Variants in STK36 observed in about 807,000 individuals in gnomAD.
The protein encoded by STK36 is serine/threonine kinase 36.
A neutral mutation model predicts 142.2 loss-of-function variants in STK36; 116 were observed. That is an observed-to-expected ratio of 0.82 (90% confidence interval 0.70 to 0.95). STK36 has a LOEUF of 0.95. Among genes scored for constraint, STK36 ranks in the 40% least tolerant of loss-of-function variants. STK36 has a pLI of 0.00. For missense variants in STK36, 1,422 were observed against 1,617.2 expected (o/e 0.88, Z 2.07); for synonymous variants, 619 against 641.7 (o/e 0.96, Z 0.53).
At chr2:218,675,744 G>A (rs984809611) in intron 5 of STK36, among the ~76,000 whole-genome samples, 3 of 151,658 alleles carry the variant, frequency 2.0e-5, no homozygotes, top group Admixed American at 6.6e-5. Flanking sequence ...GGCTGGTCTC[G>A]AACTCCTGAC....
Position 218,679,577 on chromosome 2 carries a change from G to T in STK36, c.796G>T (p.Gly266Cys), listed in dbSNP as rs767225411. 4 of 1,613,872 alleles carry T rather than the reference G, an allele frequency of 2.5e-6. No individual in the cohort carries two copies. Among genetic ancestry groups the T allele is most frequent in the South Asian group, 2.2e-5 (2 of 91,054 alleles). Residue 266 changes from glycine (G) to cysteine (C), a missense_variant, in exon 8 of 27, where the codon GGC (glycine) becomes TGC (cysteine). Gly to Cys is a radical substitution (Grantham distance 159). Transcript: ENST00000295709. Reference protein sequence around the residue: ...GHVTIITEPAGPDLGTPFTSR... With the variant: ...GHVTIITEPACPDLGTPFTSR... ...CCCTGCAGTAATAACTGAGCCAGCA[G>T]GCCCAGATTTGGGGACCCCATTCAC...
Position 218,693,772 on chromosome 2 carries a change from G to C in STK36, c.2198G>C (p.Gly733Ala), listed in dbSNP as rs751891908. The C allele has an allele frequency of 6.2e-7, 1 of 1,614,084 alleles. No homozygotes were observed. Among genetic ancestry groups the C allele is most frequent in the Non-Finnish European group, 8.5e-7 (1 of 1,180,044 alleles). ...LVSEGLCRLL[G>A]QEPLALESLF... ...AGTGAGGGCCTGTGCCGTCTTCTGG[G>C]GCAGGAGCCCCTGGCCTTGGAATCC... The change falls in exon 18 of 27, where the codon GGG (glycine) becomes GCG (alanine). Residue 733 changes from glycine to alanine, a missense_variant. By Grantham distance (60) the Gly-to-Ala change is moderately conservative. This residue lies in a region of STK36 where 962 missense variants were observed against 1,167.5 expected (regional missense o/e 0.82). Coordinates refer to ENST00000295709, the MANE Select transcript of STK36 (RefSeq NM_015690.5).
At chr2:218,693,196 G>T in intron 16 of STK36, 44 bp from the exon 17 acceptor site, 1 of 1,537,674 alleles carries the variant, frequency 6.5e-7, no homozygotes, top group Non-Finnish European at 9.0e-7. Flanking sequence ...GAATAGGGTT[G>T]TAATCATGTG....
rs996201806 is a variant in STK36 at position 218,702,072 on chromosome 2, A to G, written c.*63A>G. 44 of 1,584,176 alleles carry G rather than the reference A, an allele frequency of 2.8e-5. 1 individual carries two copies. The South Asian group carries it at 5.0e-4, about 18-fold the overall frequency. ...CCAGCTCTTTCTTATTCTACTACAC[A>G]AGCCGCCAACTCAACTGAGAGCTAA... On this transcript the variant is annotated 3_prime_UTR_variant, in exon 27 of 27. Transcript: ENST00000295709.
chr2:218,686,410 AC>A (rs1472736560), intron 11 of STK36, among the ~76,000 whole-genome samples: 1 of 152,098 alleles, frequency 6.6e-6, no homozygotes, highest in Non-Finnish European at 1.5e-5. Context: ...GGCGTGCACC[AC>A]CATGCTTAGC....
Position 218,702,125 on chromosome 2 carries a change from A to G in STK36, c.*116A>G. 7.8e-7 allele frequency: 1 copy of G among 1,285,364 alleles called. No individual in the cohort carries two copies. Among genetic ancestry groups the G allele is most frequent in the Non-Finnish European group, 1.1e-6 (1 of 948,668 alleles). 79.6% of individuals were successfully genotyped at this position (1,285,364 alleles called of 1,614,324 possible). A position where few individuals can be genotyped will look rare whatever the true frequency, so the allele number is the denominator to read the frequency against. On this transcript the variant is annotated 3_prime_UTR_variant, in exon 27 of 27. Transcript: ENST00000295709. ...AGACTAGAAAAGAGATAAGCTGCCA[A>G]CTCAACTGAGAACAAGAAACTAGAA...
In STK36 at chr2:218,673,877, AGGT is replaced by A. The variant is rs748027628; in HGVS notation, c.235_237del (p.Val79del). ...ATCAGTGCCACTGCCTTCTCTCTGT[AGGT>A]GGTGGTGGTGACAGACTATGCTGAG... is the stretch of plus-strand genomic sequence containing the variant. On this transcript the variant is annotated splice_acceptor_variant and coding_sequence_variant, in exon 4 of 27. Coordinates refer to ENST00000295709, the MANE Select transcript of STK36 (RefSeq NM_015690.5). LOFTEE classifies it high-confidence loss of function. 3.1e-6 allele frequency: 5 copies of A among 1,614,170 alleles called. No homozygotes were observed. The highest frequency in any genetic ancestry group is 2.2e-5 in the East Asian group (1 of 44,880).
At chr2:218,682,382 G>A (rs1475046353) in intron 10 of STK36, among the ~76,000 whole-genome samples, 1 of 152,010 alleles carries the variant, frequency 6.6e-6, no homozygotes, top group African/African-American at 2.4e-5. Context: ...AAATACTTTA[G>A]CGCATATTTC....
At position 218,699,074 on chromosome 2, in the gene STK36, G is replaced by C; in HGVS notation, c.3530G>C (p.Gly1177Ala). 6.2e-7 allele frequency: 1 copy of C among 1,614,050 alleles called. No homozygotes were observed. Among genetic ancestry groups the C allele is most frequent in the Non-Finnish European group, 8.5e-7 (1 of 1,180,020 alleles). ...CGGTGCAGTGCCAGCTTTGCTGTGG[G>C]CAATGCAGCCTACCAGGCTGGTCCT... ...VVRCSASFAVGNAAYQAGPLG... is the reference protein window; with the variant it reads ...VVRCSASFAVANAAYQAGPLG... Residue 1177 changes from glycine to alanine, a missense_variant, in exon 26 of 27, where the codon GGC becomes GCC. Transcript: ENST00000295709.
intron 11 of STK36, among the ~76,000 whole-genome samples, chr2:218,685,650 G>A (rs1030738790): frequency 3.3e-5 from 5 of 152,004 alleles, no homozygotes; most frequent in Admixed American, 2.0e-4. Context: ...GTTATTTTGC[G>A]GGGGAGAGGA....
Position 218,679,667 on chromosome 2 carries a change from G to A in STK36, c.886G>A (p.Gly296Ser), listed in dbSNP as rs1318805066. The change falls in exon 8 of 27, where the codon GGT (glycine) becomes AGT (serine). Residue 296 changes from glycine to serine, a missense_variant. By Grantham distance (56) the Gly-to-Ser change is moderately conservative. Around this residue, in one of 2 missense-constraint regions of STK36, gnomAD observed 460 missense variants for 449.6 expected, o/e 1.02. Coordinates refer to ENST00000295709, the MANE Select transcript of STK36 (RefSeq NM_015690.5). Reference protein sequence around the residue: ...DEQAHRLAPKGNQSRILTQAY... With the variant: ...DEQAHRLAPKSNQSRILTQAY... ...ACAGGCCCATCGGTTGGCCCCCAAG[G>A]GTAATCAGTCTCGCATCTTGACTCA... 1 of 1,614,164 alleles carries A rather than the reference G, an allele frequency of 6.2e-7. No individual in the cohort carries two copies. The highest frequency in any genetic ancestry group is 1.1e-5 in the South Asian group (1 of 91,082).
chr2:218,672,739 A>T lies in STK36; in HGVS notation c.-89-2A>T. ...ATTTTTCCTTTCCCGTGCCCCAACT[A>T]GGCGTCCCAGATGTTGTGGAACTGT... On this transcript the variant is annotated splice_acceptor_variant, in intron 1 of 26. Coordinates refer to ENST00000295709, the MANE Select transcript of STK36 (RefSeq NM_015690.5). LOFTEE classifies it low-confidence loss of function (5UTR_SPLICE). 5 of 1,295,828 alleles carry T rather than the reference A, an allele frequency of 3.9e-6. No individual in the cohort carries two copies. Among genetic ancestry groups the T allele is most frequent in the Non-Finnish European group, 5.5e-6 (5 of 905,424 alleles). 80.3% of individuals were successfully genotyped at this position (1,295,828 alleles called of 1,614,324 possible). A position where few individuals can be genotyped will look rare whatever the true frequency, so the allele number is the denominator to read the frequency against.
chr2:218,673,926 A>G lies in STK36; in HGVS notation c.273A>G (p.Leu91=), dbSNP rs143311892. The G allele has an allele frequency of 6.2e-7, 1 of 1,614,006 alleles. No individual in the cohort carries two copies. Among genetic ancestry groups the G allele is most frequent in the African/African-American group, 1.3e-5 (1 of 74,922 alleles). Residue 91 remains leucine (L), a synonymous_variant, in exon 4 of 27, where the codon CTA becomes CTG. Transcript: ENST00000295709. ...DYAEGELFQI[L]EDDGKLPEDQ... is the part of the protein sequence containing the mutation. The stretch of plus-strand genomic sequence containing the variant: ...CTGAGGGAGAGCTCTTTCAGATCCT[A>G]GAAGATGACGGAAAACTTCCTGAAG...
chr2:218,676,304 CTT>C (rs1296287112), intron 6 of STK36, 26 bp downstream of exon 6: 1 of 1,611,332 alleles, frequency 6.2e-7, no homozygotes, highest in African/African-American at 1.3e-5. Context: ...AGGGAGATGA[CTT>C]TTACATTAGA....
chr2:218,681,192 A>G lies in STK36; in HGVS notation c.1236+490A>G, dbSNP rs192415445. Among the ~76,000 whole-genome samples the G allele has an allele frequency of 3.9e-3, 587 of 151,606 alleles. 3 individuals carry two copies. The highest frequency in any genetic ancestry group is 6.7e-3 in the Non-Finnish European group (453 of 67,954). ...GCCCAGGCTGGATTGCAGTGGTGCA[A>G]TCTTGGCTCACTGCAACCTCTCCCT... is the stretch of plus-strand genomic sequence containing the variant. On this transcript the variant is annotated intron_variant, in intron 10 of 26. Transcript: ENST00000295709.
intron 16 of STK36, 51 bp downstream of exon 16, chr2:218,692,761 G>A: frequency 6.3e-7 from 1 of 1,575,124 alleles, no homozygotes; most frequent in African/African-American, 1.3e-5. Flanking sequence ...GAGGAATTGA[G>A]GAGGCTAGCC....
Position 218,679,595 on chromosome 2 carries a change from C to G in STK36, c.814C>G (p.Pro272Ala), listed in dbSNP as rs376298964. The change falls in exon 8 of 27, where the codon CCA becomes GCA. Residue 272 changes from proline (P) to alanine (A), a missense_variant. Physicochemically the swap from Pro to Ala is conservative, Grantham distance 27. Coordinates refer to ENST00000295709, the MANE Select transcript of STK36 (RefSeq NM_015690.5). The stretch of plus-strand genomic sequence containing the variant: ...GCCAGCAGGCCCAGATTTGGGGACC[C>G]CATTCACCAGCCGCCTACCCCCAGA... The part of the protein sequence containing the change: ...TEPAGPDLGT[P>A]FTSRLPPELQ... 6.2e-7 allele frequency: 1 copy of G among 1,613,984 alleles called. No individual in the cohort carries two copies. The highest frequency in any genetic ancestry group is 1.3e-5 in the African/African-American group (1 of 74,924).
intron 6 of STK36, among the ~76,000 whole-genome samples, chr2:218,676,894 C>T (rs537899448): frequency 6.6e-6 from 1 of 152,290 alleles, no homozygotes; most frequent in East Asian, 1.9e-4. Flanking sequence ...TCGTGACTCG[C>T]CTGCCTCAGC....
chr2:218,688,959 T>A, intron 12 of STK36, 83 bp downstream of exon 12: 2 of 1,353,656 alleles, frequency 1.5e-6, no homozygotes, highest in South Asian at 1.5e-5. Context: ...CATCTCTCTT[T>A]GGTCTGACTG....
Sources: allele counts gnomAD v4.1 joint callset (sites outside exome capture counted in the v4.1 genomes callset), GRCh38; gene constraint gnomAD v4.1.1; regional missense constraint gnomAD v4.1.1; transcripts MANE v1.5; gene names NCBI Gene and HGNC (gene_info 2026-07-23, HGNC 2026-07-21).